The following FHOD3 variants were observed in gnomAD, a reference collection of about 807,000 sequenced individuals.
FHOD3 encodes formin homology 2 domain containing 3, also known as FH1/FH2 domain-containing protein 3.
In FHOD3, 90 loss-of-function variants were observed where a neutral mutation model predicts 173.0. That is an observed-to-expected ratio of 0.52 (90% CI 0.44 to 0.62). The LOEUF is 0.62. Among genes scored for constraint, FHOD3 ranks in the 20% least tolerant of loss-of-function variants. The pLI, the probability that FHOD3 is intolerant of heterozygous loss-of-function variation, is 0.00. For missense variants in FHOD3, 1,945 were observed against 2,034.7 expected (o/e 0.96, Z 0.85); for synonymous variants, 828 against 823.0 (o/e 1.01, Z -0.10).
intron 18 of FHOD3, 81 bp downstream of exon 18, chr18:36,709,472 C>T: frequency 6.8e-7 from 1 of 1,461,214 alleles, no homozygotes; most frequent in Non-Finnish European, 9.2e-7. Flanking sequence ...AGCTTGTCCA[C>T]AGGCTGGCCT....
At chr18:36,565,720 CA>C (rs1166900839) in intron 5 of FHOD3, among the ~76,000 whole-genome samples, 1 of 151,922 alleles carries the variant, frequency 6.6e-6, no homozygotes, top group Non-Finnish European at 1.5e-5. Context: ...TGAATGGCAA[CA>C]GAAAAGTATT....
chr18:36,732,862 T>C (rs1217850173), intron 20 of FHOD3, among the ~76,000 whole-genome samples: 1 of 152,188 alleles, frequency 6.6e-6, no homozygotes, highest in Non-Finnish European at 1.5e-5. Flanking sequence ...CCGCAGACCC[T>C]AACCCAGTGA....
intron 3 of FHOD3, among the ~76,000 whole-genome samples, chr18:36,463,264 C>A (rs1450083364): frequency 1.4e-5 from 2 of 147,972 alleles, no homozygotes; most frequent in Non-Finnish European, 3.0e-5. Flanking sequence ...TTCTGAAAAC[C>A]TTGTAGGCTG....
chr18:36,473,301 C>A lies in FHOD3; in HGVS notation c.338-28631C>A, dbSNP rs2053385351. Among the ~76,000 whole-genome samples, 3 of 152,212 alleles carry A rather than the reference C, an allele frequency of 2.0e-5. No individual in the cohort carries two copies. In the South Asian group the frequency reaches 6.2e-4, roughly 31 times the overall value. On this transcript the variant is annotated intron_variant, in intron 3 of 28. Transcript: ENST00000590592. ...TGGTGGCACACGCCTGTGATCCCAG[C>A]TGCTCAGGAGGCTAAGGCAGGAGAA... is the stretch of plus-strand genomic sequence containing the variant.
At chr18:36,433,681 C>G (rs2050671318) in intron 3 of FHOD3, among the ~76,000 whole-genome samples, 2 of 152,256 alleles carry the variant, frequency 1.3e-5, no homozygotes, top group South Asian at 4.1e-4. Context: ...GTCGCAGTAT[C>G]TAAGCCAGTG....
rs527807961 is a variant in FHOD3 at position 36,344,456 on chromosome 18, A to G, written c.166-11083A>G. 3.0e-4 allele frequency among the ~76,000 whole-genome samples: 46 copies of G among 152,314 alleles called. No homozygotes were observed. The South Asian group carries it at 9.5e-3, about 32-fold the overall frequency. Reference sequence around the variant, plus strand: ...ATATTAAAGTGGTCTAGTGTCCTTAACATTGTCTGAGAAGTGATGGCACTA... The same window carrying G: ...ATATTAAAGTGGTCTAGTGTCCTTAGCATTGTCTGAGAAGTGATGGCACTA... On this transcript the variant is annotated intron_variant, in intron 1 of 28. Transcript: ENST00000590592.
intron 3 of FHOD3, among the ~76,000 whole-genome samples, chr18:36,443,911 C>T (rs3914343): frequency 1.4e-4 from 22 of 152,236 alleles, no homozygotes; most frequent in Admixed American, 5.9e-4. Context: ...TTTGTTTATT[C>T]AGTCTTCAAA....
At chr18:36,519,137 C>G (rs1032422057) in intron 5 of FHOD3, among the ~76,000 whole-genome samples, 21 of 152,186 alleles carry the variant, frequency 1.4e-4, no homozygotes, top group African/African-American at 5.1e-4. Context: ...GAAACTGGGC[C>G]AGAGAGTAGC....
intron 16 of FHOD3, among the ~76,000 whole-genome samples, chr18:36,689,075 T>C (rs1268792973): frequency 6.6e-6 from 1 of 152,218 alleles, no homozygotes; most frequent in Non-Finnish European, 1.5e-5. Flanking sequence ...CGCATTTTCC[T>C]TTGGTTTGGC....
chr18:36,761,575 T>C (rs1354720639), intron 27 of FHOD3, among the ~76,000 whole-genome samples: 1 of 152,138 alleles, frequency 6.6e-6, no homozygotes, highest in East Asian at 1.9e-4. Flanking sequence ...ACGCTGCTCG[T>C]CCTAGAGTCC....
At chr18:36,516,574 A>T (rs1279051609) in intron 5 of FHOD3, among the ~76,000 whole-genome samples, 1 of 152,192 alleles carries the variant, frequency 6.6e-6, no homozygotes, top group Non-Finnish European at 1.5e-5. Flanking sequence ...GCTGGTCGCT[A>T]GCCAGGGCCT....
chr18:36,335,578 C>A lies in FHOD3; in HGVS notation c.166-19961C>A, dbSNP rs550379798. 1.7e-4 allele frequency among the ~76,000 whole-genome samples: 26 copies of A among 152,198 alleles called. No individual in the cohort carries two copies. The East Asian group carries it at 4.6e-3, about 27-fold the overall frequency. ...ATGTTGGGCCGCATTCAAAGCTGTCCTGGATAGCATGGAGCCCATGGGCCG... is the reference window on the plus strand; with the variant it reads ...ATGTTGGGCCGCATTCAAAGCTGTCATGGATAGCATGGAGCCCATGGGCCG... On this transcript the variant is annotated intron_variant, in intron 1 of 28. Coordinates refer to ENST00000590592, the MANE Select transcript of FHOD3 (RefSeq NM_001281740.3).
chr18:36,720,744 CCTTCTT>C (rs1363661988), intron 19 of FHOD3, among the ~76,000 whole-genome samples: 67 of 147,344 alleles, frequency 4.5e-4, no homozygotes, highest in African/African-American at 7.3e-4. Context: ...TTCTCCTCCT[CCTTCTT>C]CTCCTCCTGC....
At chr18:36,566,128 G>T (rs940162210) in intron 5 of FHOD3, among the ~76,000 whole-genome samples, 2 of 152,166 alleles carry the variant, frequency 1.3e-5, no homozygotes, top group Non-Finnish European at 2.9e-5. Flanking sequence ...CAATATTTAA[G>T]AGCTGTTTGT....
chr18:36,343,921 G>A (rs1805796244), intron 1 of FHOD3, among the ~76,000 whole-genome samples: 1 of 152,114 alleles, frequency 6.6e-6, no homozygotes, highest in Non-Finnish European at 1.5e-5. Flanking sequence ...GGGGCTGGAA[G>A]GTATATGTGT....
intron 20 of FHOD3, among the ~76,000 whole-genome samples, chr18:36,732,094 A>G (rs191066016): frequency 3.9e-4 from 60 of 152,354 alleles, no homozygotes; most frequent in African/African-American, 1.4e-3. Flanking sequence ...AAGACAGAGA[A>G]CACACAGGTA....
At chr18:36,609,670 C>T (rs1422298968) in intron 8 of FHOD3, among the ~76,000 whole-genome samples, 2 of 143,904 alleles carry the variant, frequency 1.4e-5, no homozygotes, top group African/African-American at 5.2e-5. Flanking sequence ...AGTGCAGTGA[C>T]ATGATCTTGG....
At chr18:36,694,923 G>T (rs1246676852) in intron 17 of FHOD3, among the ~76,000 whole-genome samples, 1 of 152,004 alleles carries the variant, frequency 6.6e-6, no homozygotes, top group Non-Finnish European at 1.5e-5. Context: ...CACTGCAAAA[G>T]AATATTTCAG....
chr18:36,465,461 G>T (rs1047484868), intron 3 of FHOD3, among the ~76,000 whole-genome samples: 1 of 152,198 alleles, frequency 6.6e-6, no homozygotes, highest in Non-Finnish European at 1.5e-5. Context: ...GCCTGGGCTG[G>T]CTTCTGCAAA....
Sources: allele counts gnomAD v4.1 joint callset (sites outside exome capture counted in the v4.1 genomes callset), GRCh38; gene constraint gnomAD v4.1.1; transcripts MANE v1.5; gene names NCBI Gene and HGNC (gene_info 2026-07-23, HGNC 2026-07-21).